PDE1A: variants seen among roughly 807,000 people sequenced by gnomAD.
PDE1A encodes the protein dual specificity calcium/calmodulin-dependent 3',5'-cyclic nucleotide phosphodiesterase 1A.
In PDE1A, 35 loss-of-function variants were observed where a neutral mutation model predicts 61.7. The ratio of observed to expected loss-of-function variants is 0.57; its 90% confidence interval spans 0.43 to 0.75. The LOEUF (loss-of-function observed/expected upper bound fraction) is 0.75, where lower values mean the gene tolerates loss of function less well. Ranked by LOEUF, PDE1A falls within the 30% of genes least tolerant of loss-of-function variation. The pLI is 0.00. For synonymous variants in PDE1A, 232 were observed against 213.2 expected (o/e 1.09, Z -0.77); for missense variants, 597 against 630.6 (o/e 0.95, Z 0.57).
At chr2:182,448,195 C>G (rs933908402) in intron 2 of PDE1A, among the ~76,000 whole-genome samples, 1 of 152,110 alleles carries the variant, frequency 6.6e-6, no homozygotes, top group Non-Finnish European at 1.5e-5. Context: ...ATTGGGTGTG[C>G]TCAGTAACTT....
intron 2 of PDE1A, among the ~76,000 whole-genome samples, chr2:182,506,108 A>G (rs1016310669): frequency 6.6e-6 from 1 of 152,188 alleles, no homozygotes; most frequent in African/African-American, 2.4e-5. Context: ...GTTATGCTAT[A>G]CAAGTTTTTA....
chr2:182,157,483 G>T (rs549815778), intron 13 of PDE1A, among the ~76,000 whole-genome samples: 1 of 152,270 alleles, frequency 6.6e-6, no homozygotes, highest in Non-Finnish European at 1.5e-5. Flanking sequence ...TAGACTCTAA[G>T]ACCCAATTTT....
chr2:182,290,862 C>T (rs1694482091), intron 1 of PDE1A, among the ~76,000 whole-genome samples: 1 of 151,900 alleles, frequency 6.6e-6, no homozygotes, highest in Admixed American at 6.6e-5. Flanking sequence ...TTCCATAACC[C>T]CAGCTGGAGC....
intron 2 of PDE1A, among the ~76,000 whole-genome samples, chr2:182,492,407 C>G (rs756899298): frequency 1.4e-4 from 21 of 152,152 alleles, no homozygotes; most frequent in Non-Finnish European, 1.2e-4. Context: ...TTATTTTGAA[C>G]AGGTGAGTGA....
At chr2:182,361,077 G>T (rs1358001931) in intron 1 of PDE1A, among the ~76,000 whole-genome samples, 1 of 151,994 alleles carries the variant, frequency 6.6e-6, no homozygotes, top group Non-Finnish European at 1.5e-5. Context: ...TTACACACCG[G>T]CCGAAACTAA....
intron 1 of PDE1A, among the ~76,000 whole-genome samples, chr2:182,311,573 A>G (rs1380215013): frequency 2.0e-5 from 3 of 152,158 alleles, no homozygotes; most frequent in African/African-American, 7.2e-5. Context: ...GAAGCATACC[A>G]TCTGTAGCCT....
At chr2:182,535,191 T>A in the PDE1A span, among the ~76,000 whole-genome samples, 1 of 152,082 alleles carries the variant, frequency 6.6e-6, no homozygotes, top group African/African-American at 2.4e-5. Context: ...TGATGCATTT[T>A]AAATTACATT....
At chr2:182,395,788 G>T (rs1233486184) in intron 1 of PDE1A, among the ~76,000 whole-genome samples, 1 of 152,172 alleles carries the variant, frequency 6.6e-6, no homozygotes, top group Admixed American at 6.5e-5. Flanking sequence ...CACAGCAGAG[G>T]CCTCTAGGAT....
the PDE1A span, among the ~76,000 whole-genome samples, chr2:182,710,904 G>A: frequency 1.3e-5 from 2 of 152,134 alleles, no homozygotes; most frequent in African/African-American, 2.4e-5. Flanking sequence ...TCTCACCTGG[G>A]CTATTTCAGT....
At chr2:182,472,968 T>C (rs528176236) in intron 2 of PDE1A, among the ~76,000 whole-genome samples, 1 of 151,774 alleles carries the variant, frequency 6.6e-6, no homozygotes, top group Non-Finnish European at 1.5e-5. Flanking sequence ...TTTTTTATTT[T>C]ATTGTTATTA....
intron 7 of PDE1A, among the ~76,000 whole-genome samples, chr2:182,221,889 T>G (rs575613398): frequency 6.6e-6 from 1 of 152,060 alleles, no homozygotes; most frequent in Non-Finnish European, 1.5e-5. Flanking sequence ...TTTCTATTTT[T>G]AGATGACGGA....
chr2:182,548,770 C>T, the PDE1A span, among the ~76,000 whole-genome samples: 18 of 152,244 alleles, frequency 1.2e-4, no homozygotes, highest in South Asian at 1.9e-3. Context: ...CCAGATTCCA[C>T]TCATGGTTCT....
the PDE1A span, among the ~76,000 whole-genome samples, chr2:182,563,880 T>C: frequency 2.0e-5 from 3 of 152,208 alleles, no homozygotes. Context: ...TTGCAACCCC[T>C]GCCTTTTTTT....
At chr2:182,708,646 C>T in the PDE1A span, among the ~76,000 whole-genome samples, 3 of 152,092 alleles carry the variant, frequency 2.0e-5, no homozygotes, top group Admixed American at 1.3e-4. Flanking sequence ...GAAACCACCC[C>T]CATGATCCAA....
intron 2 of PDE1A, among the ~76,000 whole-genome samples, chr2:182,472,072 G>A (rs1687061108): frequency 6.6e-6 from 1 of 151,648 alleles, no homozygotes; most frequent in Non-Finnish European, 1.5e-5. Flanking sequence ...TGTTGGAGAG[G>A]ATGTGGAAAG....
the PDE1A span, among the ~76,000 whole-genome samples, chr2:182,674,732 A>G: frequency 6.6e-6 from 1 of 152,086 alleles, no homozygotes; most frequent in Non-Finnish European, 1.5e-5. Flanking sequence ...TTCCATTTTC[A>G]CAACTGTTTA....
At chr2:182,512,195 C>G (rs368441664) in intron 2 of PDE1A, among the ~76,000 whole-genome samples, 2 of 152,168 alleles carry the variant, frequency 1.3e-5, no homozygotes, top group Admixed American at 1.3e-4. Flanking sequence ...CACCTTTCTC[C>G]CCATCAGAAT....
chr2:182,245,984 T>C (rs540289234), intron 2 of PDE1A, among the ~76,000 whole-genome samples: 3 of 152,214 alleles, frequency 2.0e-5, no homozygotes, highest in Non-Finnish European at 4.4e-5. Context: ...CCTGGCCTCC[T>C]GTGCAGCCTG....
the PDE1A span, among the ~76,000 whole-genome samples, chr2:182,564,596 G>C: frequency 6.6e-6 from 1 of 151,968 alleles, no homozygotes; most frequent in East Asian, 1.9e-4. Flanking sequence ...CTGAATGTTG[G>C]CCTGCCTTGC....
Sources: gnomAD v4.1 joint callset for allele counts (sites outside exome capture counted in the v4.1 genomes callset) on GRCh38, gnomAD v4.1.1 for gene constraint, MANE v1.5 for transcripts, NCBI Gene and HGNC (gene_info 2026-07-23, HGNC 2026-07-21) for gene names.